The following ESCO1 variants were observed in gnomAD, a reference collection of about 807,000 sequenced individuals.
The protein encoded by ESCO1 is N-acetyltransferase ESCO1.
In ESCO1, 33 loss-of-function variants were observed where a neutral mutation model predicts 83.5. That is an observed-to-expected ratio of 0.40 (90% CI 0.30 to 0.53). The LOEUF (loss-of-function observed/expected upper bound fraction) is 0.53. Among genes scored for constraint, ESCO1 ranks in the 20% least tolerant of loss-of-function variants. The pLI is 0.63. For missense variants in ESCO1, 855 were observed against 968.0 expected (o/e 0.88, Z 1.55); for synonymous variants, 332 against 324.3 (o/e 1.02, Z -0.25).
intron 8 of ESCO1, among the ~76,000 whole-genome samples, chr18:21,554,308 CT>C (rs1286555926): frequency 1.3e-5 from 2 of 152,212 alleles, no homozygotes; most frequent in African/African-American, 4.8e-5. Flanking sequence ...CCAAAAAGAG[CT>C]GAAAACACGT....
intron 2 of ESCO1, among the ~76,000 whole-genome samples, chr18:21,576,235 T>C (rs1031603010): frequency 6.6e-6 from 1 of 152,080 alleles, no homozygotes; most frequent in Admixed American, 6.6e-5. Flanking sequence ...AAGACCCAGT[T>C]GTGGTGGCTC....
chr18:21,596,365 C>A (rs1291992133), intron 1 of ESCO1, among the ~76,000 whole-genome samples: 1 of 152,066 alleles, frequency 6.6e-6, no homozygotes, highest in East Asian at 1.9e-4. Flanking sequence ...ATACTTAATG[C>A]CTCCTTTTAA....
chr18:21,591,839 TG>T (rs2038674954), intron 1 of ESCO1, among the ~76,000 whole-genome samples: 1 of 151,800 alleles, frequency 6.6e-6, no homozygotes, highest in Non-Finnish European at 1.5e-5. Flanking sequence ...TTTGTGTCCC[TG>T]GGTACTTGAG....
intron 1 of ESCO1, among the ~76,000 whole-genome samples, chr18:21,586,266 G>A (rs2038575076): frequency 6.6e-6 from 1 of 152,112 alleles, no homozygotes; most frequent in Non-Finnish European, 1.5e-5. Flanking sequence ...TCCCACATAA[G>A]AACGAGAATA....
intron 2 of ESCO1, among the ~76,000 whole-genome samples, chr18:21,576,309 A>G (rs2038418125): frequency 6.6e-6 from 1 of 152,174 alleles, no homozygotes. Flanking sequence ...GTTTGTGACC[A>G]GCCTGGAGAA....
At chr18:21,581,342 T>C (rs1396671528) in intron 2 of ESCO1, among the ~76,000 whole-genome samples, 2 of 141,316 alleles carry the variant, frequency 1.4e-5, no homozygotes, top group African/African-American at 5.3e-5. Context: ...AAAAACAGGG[T>C]AGATTTACAC....
In ESCO1 at chr18:21,573,917, T is replaced by C; in HGVS notation, c.927A>G (p.Glu309=). 6.2e-7 allele frequency: 1 copy of C among 1,614,048 alleles called. No individual in the cohort carries two copies. Among genetic ancestry groups the C allele is most frequent in the Non-Finnish European group, 8.5e-7 (1 of 1,180,014 alleles). ...TATCTGACTCAATTTCACCAGCAAT[T>C]TCTTCACAGAGCTGGAGAATACTAC... The part of the protein sequence containing the change: ...KRGSILQLCE[E]IAGEIESDNV... The change falls in exon 4 of 12, where the codon GAA becomes GAG. Residue 309 remains glutamate, a synonymous_variant. Transcript: ENST00000269214.
At chr18:21,559,834 C>T (rs915991634) in intron 8 of ESCO1, among the ~76,000 whole-genome samples, 6 of 152,002 alleles carry the variant, frequency 3.9e-5, no homozygotes, top group Non-Finnish European at 1.5e-5. Flanking sequence ...GTGGAGAAGT[C>T]AGATGAAATA....
chr18:21,597,686 AAAAGTTTGAGAACCACTACATT>A (rs1456101316), intron 1 of ESCO1, among the ~76,000 whole-genome samples: 1 of 152,138 alleles, frequency 6.6e-6, no homozygotes, highest in Non-Finnish European at 1.5e-5. Flanking sequence ...CCTAAGACCA[AAAAGTTTGAGAACCACTACATT>A]AAAGTAATAC....
chr18:21,547,354 A>AAG (rs2037987429), intron 8 of ESCO1, among the ~76,000 whole-genome samples: 1 of 152 alleles, frequency 6.6e-3, no homozygotes, highest in Admixed American at 0.17. Flanking sequence ...TACAGATTTG[A>AAG]AAAAAAAAAA....
intron 8 of ESCO1, among the ~76,000 whole-genome samples, chr18:21,554,966 C>T (rs2038094014): frequency 6.6e-6 from 1 of 151,828 alleles, no homozygotes; most frequent in Admixed American, 6.6e-5. Flanking sequence ...TGTGGCGACA[C>T]ACGCCTGTAG....
rs926241924 is a variant in ESCO1 at position 21,530,253 on chromosome 18, A to G, written c.*90T>C. 2.4e-5 allele frequency: 28 copies of G among 1,163,036 alleles called. No individual in the cohort carries two copies. In the African/African-American group the frequency reaches 4.0e-4, roughly 16 times the overall value. The allele number at this position is 1,163,036 out of a possible 1,614,324, so 72.0% of individuals were successfully genotyped here. ...TTGTTGCCAGTCCTGAGTTCATTGT[A>G]ATAAAAATGGCCCTAGTTCCTGGTT... On this transcript the variant is annotated 3_prime_UTR_variant, in exon 12 of 12. Coordinates refer to ENST00000269214, the MANE Select transcript of ESCO1 (RefSeq NM_052911.3).
chr18:21,573,220 T>C lies in ESCO1; in HGVS notation c.1530+94A>G, dbSNP rs1391762917. The C allele has an allele frequency of 1.3e-5, 16 of 1,257,366 alleles. No individual in the cohort carries two copies. In the East Asian group the frequency reaches 3.9e-4, roughly 31 times the overall value. The allele number at this position is 1,257,366 out of a possible 1,614,324, so 77.9% of individuals were successfully genotyped here. ...GGAGAACTTAAACAACTCTTCAATC[T>C]TTTATGACTTCATTCTTATGCTAAA... On this transcript the variant is annotated intron_variant, in intron 4 of 11. Coordinates refer to ENST00000269214, the MANE Select transcript of ESCO1 (RefSeq NM_052911.3).
chr18:21,551,329 G>A (rs1319827539), intron 8 of ESCO1, among the ~76,000 whole-genome samples: 1 of 151,846 alleles, frequency 6.6e-6, no homozygotes, highest in Non-Finnish European at 1.5e-5. Context: ...AATTAGCCAG[G>A]CGTAGTGGCG....
intron 9 of ESCO1, among the ~76,000 whole-genome samples, chr18:21,538,650 T>G (rs967618074): frequency 6.6e-6 from 1 of 152,218 alleles, no homozygotes; most frequent in Admixed American, 6.5e-5. Context: ...GCAAAGTATT[T>G]TCCTTCAACC....
At position 21,574,005 on chromosome 18, in the gene ESCO1, G is replaced by A. The variant is rs2038379442; in HGVS notation, c.839C>T (p.Pro280Leu). ...VNTNTTLPKS[P>L]QPSVPEQSDN... ...ACTTTGTTCAGGCACTGATGGCTGT[G>A]GACTTTTTGGGAGTGTTGTGTTAGT... The change falls in exon 4 of 12, where the codon CCA (proline) becomes CTA (leucine). Residue 280 changes from proline (P) to leucine (L), a missense_variant. By Grantham distance (98) the Pro-to-Leu change is moderately conservative (BLOSUM62 -3). Transcript: ENST00000269214. The A allele has an allele frequency of 1.2e-6, 2 of 1,613,528 alleles. No homozygotes were observed. The highest frequency in any genetic ancestry group is 3.3e-4 in the Middle Eastern group (2 of 6,062).
At chr18:21,539,819 G>T in intron 9 of ESCO1, 101 bp downstream of exon 9, 1 of 957,322 alleles carries the variant, frequency 1.0e-6, no homozygotes, top group Non-Finnish European at 1.6e-6. Context: ...CTGCACTCCA[G>T]CCTGAGCGAC....
chr18:21,561,100 T>G, intron 7 of ESCO1, 110 bp from the exon 8 acceptor site: 1 of 1,018,818 alleles, frequency 9.8e-7, no homozygotes, highest in Non-Finnish European at 1.3e-6. Flanking sequence ...TTAATCTACA[T>G]GAATAACATT....
chr18:21,585,150 A>AAAAAAAACTTAC, intron 1 of ESCO1, among the ~76,000 whole-genome samples: 1 of 152,056 alleles, frequency 6.6e-6, no homozygotes, highest in African/African-American at 2.4e-5. Context: ...CAAAAAAAAA[A>AAAAAAAACTTAC]AAAAAAAACT....
Sources: allele counts gnomAD v4.1 joint callset (sites outside exome capture counted in the v4.1 genomes callset), GRCh38; gene constraint gnomAD v4.1.1; transcripts MANE v1.5; gene names NCBI Gene and HGNC (gene_info 2026-07-23, HGNC 2026-07-21).